The following EVC2 variants were observed in gnomAD, a reference collection of about 807,000 sequenced individuals.
The protein encoded by EVC2 is limbin.
In EVC2, 148 loss-of-function variants were observed where a neutral mutation model predicts 149.3. That is an observed-to-expected ratio of 0.99 (90% CI 0.87 to 1.14). The LOEUF (loss-of-function observed/expected upper bound fraction) is 1.14. Among genes scored for constraint, EVC2 ranks in the 50% most tolerant of loss-of-function variants. EVC2 has a pLI of 0.00. For missense variants in EVC2, 1,854 were observed against 1,627.3 expected (o/e 1.14, Z -2.40); for synonymous variants, 776 against 649.9 (o/e 1.19, Z -2.95).
At position 5,584,632 on chromosome 4, in the gene EVC2, C is replaced by A. The variant is rs182310332; in HGVS notation, c.3048G>T (p.Ser1016=). Residue 1016 remains serine, a synonymous_variant, in exon 17 of 22, where the codon TCG becomes TCT. Coordinates refer to ENST00000344408, the MANE Select transcript of EVC2 (RefSeq NM_147127.5). The part of the protein sequence containing the change: ...TKSACTQILE[S]HSRELQELER... ...CAGCGCCTGCACTCACCCGGCTGTGCGACTCCAGGATCTGTGTGCAGGCCG... is the reference window on the plus strand; with the variant it reads ...CAGCGCCTGCACTCACCCGGCTGTGAGACTCCAGGATCTGTGTGCAGGCCG... 6.8e-6 allele frequency: 11 copies of A among 1,612,850 alleles called. No homozygotes were observed. Among genetic ancestry groups the A allele is most frequent in the Non-Finnish European group, 8.5e-6 (10 of 1,179,492 alleles).
intron 4 of EVC2, among the ~76,000 whole-genome samples, chr4:5,690,429 C>A (rs1407354902): frequency 1.3e-5 from 2 of 149,064 alleles, no homozygotes; most frequent in Non-Finnish European, 3.0e-5. Flanking sequence ...TTTTAATATG[C>A]CTGGGTCCTT....
chr4:5,566,556 C>G (rs1423853206), intron 20 of EVC2, among the ~76,000 whole-genome samples: 1 of 152,184 alleles, frequency 6.6e-6, no homozygotes, highest in East Asian at 1.9e-4. Context: ...AGACTCATAA[C>G]TGATGTAATG....
rs1365002887 is a variant in EVC2, at chr4:5,670,714, T to TCCATCACCATCATCTTCA, written c.871-5083_871-5066dup. Among the ~76,000 whole-genome samples the TCCATCACCATCATCTTCA allele has an allele frequency of 6.8e-6, 1 of 147,042 alleles. No individual in the cohort carries two copies. Among genetic ancestry groups the TCCATCACCATCATCTTCA allele is most frequent in the Non-Finnish European group, 1.5e-5 (1 of 66,816 alleles). ...CATCATTATCAACATCATCAATATCTCCATCACCATCATCTTCACCATCAC... is the reference window on the plus strand; with the variant it reads ...CATCATTATCAACATCATCAATATCTCCATCACCATCATCTTCACCATCACCATCATCTTCACCATCAC... On this transcript the variant is annotated intron_variant, in intron 7 of 21. Transcript: ENST00000344408. The surrounding 1 kb of genome is among the most constrained non-coding windows in gnomAD (Gnocchi z 5.2).
intron 3 of EVC2, among the ~76,000 whole-genome samples, chr4:5,693,112 C>T (rs529096279): frequency 1.3e-5 from 2 of 152,090 alleles, no homozygotes; most frequent in African/African-American, 4.8e-5. Context: ...CAAACAATAA[C>T]TGATAAATAC....
chr4:5,545,715 G>A (rs1392893772), intron 21 of EVC2, among the ~76,000 whole-genome samples: 1 of 152,046 alleles, frequency 6.6e-6, no homozygotes, highest in Non-Finnish European at 1.5e-5. Flanking sequence ...AAGTTGGGGT[G>A]GTCATGGGAC....
downstream of EVC2, among the ~76,000 whole-genome samples, chr4:5,558,799 G>A (rs895653888): frequency 6.6e-6 from 1 of 152,142 alleles, no homozygotes; most frequent in Admixed American, 6.5e-5. Context: ...CATGGGTCCA[G>A]GTTATCAAAA....
chr4:5,627,466 CACCTT>C (rs1183137149), intron 12 of EVC2, among the ~76,000 whole-genome samples: 1 of 152,110 alleles, frequency 6.6e-6, no homozygotes, highest in East Asian at 1.9e-4. Context: ...GCATAATTTG[CACCTT>C]ACGGAATCCT....
chr4:5,670,815 C>T lies in EVC2; in HGVS notation c.871-5166G>A, dbSNP rs777682131. Among the ~76,000 whole-genome samples the T allele has an allele frequency of 1.7e-4, 26 of 151,986 alleles. No individual in the cohort carries two copies. The highest frequency in any genetic ancestry group is 3.4e-4 in the Non-Finnish European group (23 of 68,006). ...CCACCATGACCACCACCACCATTAC[C>T]ATAGCCACCATCACTATCAACATCA... On this transcript the variant is annotated intron_variant, in intron 7 of 21. Transcript: ENST00000344408. This position sits in a 1 kb window ranked among gnomAD's most constrained non-coding sequence, Gnocchi z 5.2.
At chr4:5,690,405 GTTT>G (rs1165240823) in intron 4 of EVC2, among the ~76,000 whole-genome samples, 3 of 141,598 alleles carry the variant, frequency 2.1e-5, no homozygotes, top group Non-Finnish European at 3.1e-5. Context: ...GTGGGTTGTT[GTTT>G]TTTTTTTTTT....
intron 9 of EVC2, among the ~76,000 whole-genome samples, chr4:5,646,503 A>G (rs1389449608): frequency 6.6e-6 from 1 of 152,128 alleles, no homozygotes; most frequent in Non-Finnish European, 1.5e-5. Flanking sequence ...CACATTGTCT[A>G]TCATTTCTTC....
chr4:5,562,311 T>G (rs141240847), downstream of EVC2: 1 of 359,390 alleles, frequency 2.8e-6, no homozygotes, highest in South Asian at 1.1e-4. This position sits in a 1 kb window ranked among gnomAD's most constrained non-coding sequence, Gnocchi z 4.3. Context: ...GGCTGACACA[T>G]GTTTTGGCAA....
At chr4:5,662,124 C>T (rs190384641) in intron 9 of EVC2, among the ~76,000 whole-genome samples, 1 of 152,266 alleles carries the variant, frequency 6.6e-6, no homozygotes, top group East Asian at 1.9e-4. Flanking sequence ...GCACATCAGC[C>T]ACACTTGGCT....
intron 9 of EVC2, among the ~76,000 whole-genome samples, chr4:5,643,920 A>G (rs1717525008): frequency 6.6e-6 from 1 of 152,178 alleles, no homozygotes; most frequent in African/African-American, 2.4e-5. Context: ...AAACAATCCC[A>G]ATAATTAGAA....
chr4:5,677,006 TG>T lies in EVC2; in HGVS notation c.870+4253del. On this transcript the variant is annotated intron_variant, in intron 7 of 21. Transcript: ENST00000344408. The surrounding 1 kb of genome is among the most constrained non-coding windows in gnomAD (Gnocchi z 4.3). ...TGTAGCCCCCGTGGGCATTGGGGCA[TG>T]AGGCCCTGATGCAAAACATTCACTG... is the stretch of plus-strand genomic sequence containing the variant. Among the ~76,000 whole-genome samples, 1 of 152,148 alleles carries T rather than the reference TG, an allele frequency of 6.6e-6. No individual in the cohort carries two copies. The highest frequency in any genetic ancestry group is 6.5e-5 in the Admixed American group (1 of 15,280).
At chr4:5,596,524 GAACA>G (rs1469636798) in intron 16 of EVC2, among the ~76,000 whole-genome samples, 1 of 152,034 alleles carries the variant, frequency 6.6e-6, no homozygotes, top group Non-Finnish European at 1.5e-5. Context: ...AAACCAACGA[GAACA>G]AAGACACAAC....
intron 9 of EVC2, among the ~76,000 whole-genome samples, chr4:5,651,926 A>G (rs1718171124): frequency 6.6e-6 from 1 of 152,226 alleles, no homozygotes; most frequent in Admixed American, 6.5e-5. Context: ...AACCTTGCAT[A>G]TATCTGATGA....
intron 1 of EVC2, among the ~76,000 whole-genome samples, chr4:5,698,301 C>T (rs1041314284): frequency 6.6e-6 from 1 of 152,046 alleles, no homozygotes; most frequent in Non-Finnish European, 1.5e-5. Flanking sequence ...CAACAGCCTG[C>T]GAATTCCCAA....
intron 21 of EVC2, among the ~76,000 whole-genome samples, chr4:5,545,890 C>T (rs1283309298): frequency 1.3e-5 from 2 of 152,266 alleles, no homozygotes; most frequent in East Asian, 3.9e-4. Context: ...GAAGATGTCA[C>T]TAAGTGGGGC....
At chr4:5,643,927 A>C (rs1296693470) in intron 9 of EVC2, among the ~76,000 whole-genome samples, 1 of 152,242 alleles carries the variant, frequency 6.6e-6, no homozygotes, top group Non-Finnish European at 1.5e-5. Flanking sequence ...CCCAATAATT[A>C]GAAATGTCTA....
Sources: allele counts gnomAD v4.1 joint callset (sites outside exome capture counted in the v4.1 genomes callset), GRCh38; gene constraint gnomAD v4.1.1; non-coding constraint Gnocchi (gnomAD v3.1); transcripts MANE v1.5; gene names NCBI Gene and HGNC (gene_info 2026-07-23, HGNC 2026-07-21).